Variants in ELF1 observed in about 807,000 individuals in gnomAD.
The protein encoded by ELF1 is E74 like ETS transcription factor 1, also known as ETS-related transcription factor Elf-1.
ELF1 carries 24 observed loss-of-function variants against 59.9 expected under a neutral mutation model. The ratio of observed to expected loss-of-function variants is 0.40; its 90% CI spans 0.29 to 0.56. The LOEUF is 0.56. ELF1 is among the 20% of genes least tolerant of loss of function. The pLI, the probability that ELF1 is intolerant of heterozygous loss-of-function variation, is 0.44. For synonymous variants in ELF1, 248 were observed against 266.2 expected (o/e 0.93, Z 0.67); for missense variants, 627 against 742.2 (o/e 0.84, Z 1.80).
upstream of ELF1, among the ~76,000 whole-genome samples, chr13:41,023,797 T>C (rs1212409928): frequency 6.6e-6 from 1 of 152,198 alleles, no homozygotes; most frequent in Admixed American, 6.5e-5. Flanking sequence ...GTCTGCACTA[T>C]ATTCCCATCA....
At chr13:41,044,499 T>C (rs935075117) in intron 1 of ELF1, among the ~76,000 whole-genome samples, 1 of 152,244 alleles carries the variant, frequency 6.6e-6, no homozygotes, top group Non-Finnish European at 1.5e-5. Context: ...GTTTTTAGCA[T>C]GAAGCGCTGT....
chr13:40,989,188 T>C (rs1293152097), intron 1 of ELF1, among the ~76,000 whole-genome samples: 1 of 152,176 alleles, frequency 6.6e-6, no homozygotes, highest in Non-Finnish European at 1.5e-5. Flanking sequence ...TCCCAAAATG[T>C]AGGTATAGTT....
At chr13:41,036,145 T>C (rs1473693169) in intron 1 of ELF1, among the ~76,000 whole-genome samples, 1 of 151,934 alleles carries the variant, frequency 6.6e-6, no homozygotes, top group Non-Finnish European at 1.5e-5. Context: ...TTTGAACTCC[T>C]GATCCCGTGA....
intron 3 of ELF1, among the ~76,000 whole-genome samples, chr13:40,952,461 A>G (rs1870916412): frequency 6.6e-6 from 1 of 151,920 alleles, no homozygotes; most frequent in Non-Finnish European, 1.5e-5. Flanking sequence ...TCCTAGGCTC[A>G]AGCAATCCTA....
chr13:40,994,283 A>C (rs1874022963), intron 1 of ELF1, among the ~76,000 whole-genome samples: 1 of 152,168 alleles, frequency 6.6e-6, no homozygotes, highest in South Asian at 2.1e-4. Flanking sequence ...ACCTGTCCAT[A>C]CCTGTGGTCT....
chr13:41,056,944 A>G (rs1877306769), intron 1 of ELF1, among the ~76,000 whole-genome samples: 1 of 152,146 alleles, frequency 6.6e-6, no homozygotes, highest in Non-Finnish European at 1.5e-5. Context: ...GGCATGGCAA[A>G]AAGGAAGCCT....
chr13:41,042,591 G>C (rs565457303), intron 1 of ELF1, among the ~76,000 whole-genome samples: 9 of 152,186 alleles, frequency 5.9e-5, no homozygotes, highest in African/African-American at 2.2e-4. Context: ...AGTTTGCTGA[G>C]AATGATGGTT....
chr13:41,012,669 G>A (rs914755224), intron 1 of ELF1, among the ~76,000 whole-genome samples: 9 of 150,230 alleles, frequency 6.0e-5, no homozygotes, highest in African/African-American at 1.7e-4. Flanking sequence ...TCAGCTTCTC[G>A]AGTAGCTGGA....
intron 3 of ELF1, 53 bp from the exon 4 acceptor site, chr13:40,951,489 T>C: frequency 2.1e-6 from 3 of 1,441,690 alleles, no homozygotes; most frequent in South Asian, 1.2e-5. Flanking sequence ...TCTGTTACTC[T>C]GAAAGTCATA....
chr13:41,044,463 T>A (rs1191661610), intron 1 of ELF1, among the ~76,000 whole-genome samples: 1 of 152,222 alleles, frequency 6.6e-6, no homozygotes, highest in Non-Finnish European at 1.5e-5. Flanking sequence ...TTGAGATACG[T>A]CCCATCAATA....
intron 1 of ELF1, among the ~76,000 whole-genome samples, chr13:41,001,334 T>A (rs1874432899): frequency 6.6e-6 from 1 of 152,042 alleles, no homozygotes; most frequent in Admixed American, 6.6e-5. Context: ...ATGCTTGTAA[T>A]CCCAACACCT....
At chr13:40,995,458 A>G (rs1372649335) in intron 1 of ELF1, among the ~76,000 whole-genome samples, 1 of 152,302 alleles carries the variant, frequency 6.6e-6, no homozygotes, top group East Asian at 1.9e-4. Flanking sequence ...CTATGGATTG[A>G]GCTTAAAAAT....
intron 4 of ELF1, 68 bp from the exon 5 acceptor site, chr13:40,950,041 T>C (rs1870755546): frequency 7.5e-7 from 1 of 1,341,354 alleles, no homozygotes; most frequent in African/African-American, 1.5e-5. Flanking sequence ...ATTGAGAAAA[T>C]TTCTTGTTTC....
intron 2 of ELF1, among the ~76,000 whole-genome samples, chr13:40,971,888 T>C (rs1649336269): frequency 6.6e-6 from 1 of 152,004 alleles, no homozygotes; most frequent in African/African-American, 2.4e-5. Flanking sequence ...TGGTGGGTTG[T>C]GTATGTGTGG....
rs753681912 is a variant in ELF1 at position 40,933,853 on chromosome 13, T to C, written c.1432A>G (p.Thr478Ala). 4 of 1,614,232 alleles carry C rather than the reference T, an allele frequency of 2.5e-6. No individual in the cohort carries two copies. In the South Asian group the frequency reaches 4.4e-5, roughly 18 times the overall value. ...AGCATGACATTTTCTTTCAGTACTG[T>C]CATGGGCTGTGATGATGGAATGGCT... is the stretch of plus-strand genomic sequence containing the variant. ...LQAIPSSQPMTVLKENVMLQS... is the reference protein window; with the variant it reads ...LQAIPSSQPMAVLKENVMLQS... The change falls in exon 9 of 9, where the codon ACA becomes GCA. Residue 478 changes from threonine (T) to alanine (A), a missense_variant. This residue lies in a region of ELF1 where 361 missense variants were observed against 396.1 expected (regional missense o/e 0.91). Transcript: ENST00000239882.
intron 1 of ELF1, among the ~76,000 whole-genome samples, chr13:40,994,777 C>A (rs1056192749): frequency 1.3e-5 from 2 of 152,214 alleles, no homozygotes; most frequent in African/African-American, 4.8e-5. Flanking sequence ...AAAAAAATTT[C>A]TCTCTCCAAC....
intron 2 of ELF1, among the ~76,000 whole-genome samples, chr13:40,963,933 G>A (rs1188110385): frequency 6.6e-6 from 1 of 151,902 alleles, no homozygotes; most frequent in Non-Finnish European, 1.5e-5. Flanking sequence ...GAAAGACTAT[G>A]AATAAGTCAG....
intron 2 of ELF1, among the ~76,000 whole-genome samples, chr13:40,960,166 G>A (rs1307104358): frequency 2.0e-5 from 3 of 151,954 alleles, no homozygotes; most frequent in Non-Finnish European, 4.4e-5. Context: ...TATAAAGACA[G>A]CATAATTATC....
chr13:41,002,894 G>C (rs1447128725), intron 1 of ELF1, among the ~76,000 whole-genome samples: 1 of 151,958 alleles, frequency 6.6e-6, no homozygotes, highest in Non-Finnish European at 1.5e-5. Context: ...TAAGCTACTT[G>C]AAAACAAAAG....
Sources: allele counts gnomAD v4.1 joint callset (sites outside exome capture counted in the v4.1 genomes callset), GRCh38; gene constraint gnomAD v4.1.1; regional missense constraint gnomAD v4.1.1; transcripts MANE v1.5; gene names NCBI Gene and HGNC (gene_info 2026-07-23, HGNC 2026-07-21).